The following CRPPA variants were observed in gnomAD, a reference collection of about 807,000 sequenced individuals.
CRPPA encodes CDP-L-ribitol pyrophosphorylase A, also known as D-ribitol-5-phosphate cytidylyltransferase.
CRPPA carries 43 observed loss-of-function variants against 52.0 expected under a neutral mutation model. The ratio of observed to expected loss-of-function variants is 0.83; its 90% CI spans 0.65 to 1.07. CRPPA has a LOEUF of 1.07. CRPPA is among the 50% of genes least tolerant of loss of function. The pLI is 0.00. For synonymous variants in CRPPA, 250 were observed against 203.5 expected, an observed-to-expected ratio of 1.23 and a Z score of -1.94; for missense variants, 629 against 551.7, an observed-to-expected ratio of 1.14 and a Z score of -1.40.
At chr7:16,385,602 A>G (rs1787241720) in intron 2 of CRPPA, among the ~76,000 whole-genome samples, 1 of 152,258 alleles carries the variant, frequency 6.6e-6, no homozygotes, top group Admixed American at 6.5e-5. Flanking sequence ...GATTCATCTT[A>G]GAAAAAAGTA....
At chr7:16,337,425 G>A (rs1030612472) in intron 3 of CRPPA, among the ~76,000 whole-genome samples, 2 of 151,944 alleles carry the variant, frequency 1.3e-5, no homozygotes, top group African/African-American at 2.4e-5. Context: ...ATGAAAATGG[G>A]AACACAACAT....
intron 8 of CRPPA, among the ~76,000 whole-genome samples, chr7:16,240,784 C>A (rs1023795096): frequency 6.6e-6 from 1 of 151,990 alleles, no homozygotes; most frequent in Admixed American, 6.6e-5. Context: ...GAGGAATAAG[C>A]AGGTAAGTAA....
chr7:16,190,954 T>C (rs1213430535), intron 9 of CRPPA, among the ~76,000 whole-genome samples: 1 of 152,150 alleles, frequency 6.6e-6, no homozygotes, highest in East Asian at 1.9e-4. Flanking sequence ...TTGTTCCTTT[T>C]TATGGCTGAG....
intron 8 of CRPPA, among the ~76,000 whole-genome samples, chr7:16,252,794 G>T (rs957567239): frequency 6.6e-6 from 1 of 152,094 alleles, no homozygotes; most frequent in African/African-American, 2.4e-5. Flanking sequence ...TCTGTTATTG[G>T]TCTATTCAGG....
At chr7:16,396,837 C>G (rs528106365) in intron 2 of CRPPA, among the ~76,000 whole-genome samples, 1 of 152,202 alleles carries the variant, frequency 6.6e-6, no homozygotes, top group Non-Finnish European at 1.5e-5. Context: ...ATACGCTATA[C>G]GTATGTGACA....
intron 8 of CRPPA, among the ~76,000 whole-genome samples, chr7:16,245,419 G>A (rs1783242217): frequency 6.6e-6 from 1 of 152,148 alleles, no homozygotes. Context: ...TTTTGGTGAA[G>A]GTGGTATCAG....
At chr7:16,212,744 T>C (rs1782184128) in intron 9 of CRPPA, among the ~76,000 whole-genome samples, 2 of 152,290 alleles carry the variant, frequency 1.3e-5, no homozygotes, top group Middle Eastern at 3.4e-3. Context: ...AATGTGGAAG[T>C]TCTGACATCT....
chr7:16,158,033 C>T (rs987605022), intron 9 of CRPPA, among the ~76,000 whole-genome samples: 6 of 151,592 alleles, frequency 4.0e-5, no homozygotes, highest in African/African-American at 1.5e-4. Context: ...TGCCACCACG[C>T]CCAGCTAATT....
At chr7:16,327,155 T>G (rs1165025890) in intron 3 of CRPPA, among the ~76,000 whole-genome samples, 1 of 152,150 alleles carries the variant, frequency 6.6e-6, no homozygotes, top group Non-Finnish European at 1.5e-5. Context: ...TCTTTTGCTT[T>G]CTCTTTTCTC....
chr7:16,186,848 A>G (rs951238339), intron 9 of CRPPA, among the ~76,000 whole-genome samples: 3 of 152,184 alleles, frequency 2.0e-5, no homozygotes, highest in Non-Finnish European at 2.9e-5. Flanking sequence ...AAAAATACCA[A>G]GGAGAGGATT....
chr7:16,218,004 A>T (rs1332192999), intron 8 of CRPPA, among the ~76,000 whole-genome samples: 342 of 150,860 alleles, frequency 2.3e-3, no homozygotes, highest in Non-Finnish European at 3.4e-3. Context: ...TTCACCAAAG[A>T]TGAAATGAAG....
intron 9 of CRPPA, among the ~76,000 whole-genome samples, chr7:16,121,055 T>G (rs1042059540): frequency 6.6e-6 from 1 of 152,042 alleles, no homozygotes; most frequent in Non-Finnish European, 1.5e-5. Flanking sequence ...GCTTATGTCT[T>G]ACAAAATCAC....
At chr7:16,196,356 C>T (rs1466906503) in intron 9 of CRPPA, among the ~76,000 whole-genome samples, 1 of 152,074 alleles carries the variant, frequency 6.6e-6, no homozygotes, top group Non-Finnish European at 1.5e-5. Context: ...TACAAAAGTG[C>T]CTGGTGCACA....
chr7:16,230,246 T>G (rs1782758395), intron 8 of CRPPA, among the ~76,000 whole-genome samples: 2 of 152,224 alleles, frequency 1.3e-5, no homozygotes, highest in Non-Finnish European at 2.9e-5. Context: ...CCTTCTTTAA[T>G]GCCTGTGACT....
intron 6 of CRPPA, 22 bp from the exon 7 acceptor site, chr7:16,259,034 G>C: frequency 6.5e-7 from 1 of 1,526,854 alleles, no homozygotes; most frequent in Non-Finnish European, 9.0e-7. Flanking sequence ...AAACAGAAAT[G>C]AATTCACAAA....
intron 9 of CRPPA, among the ~76,000 whole-genome samples, chr7:16,166,285 C>CT (rs202117761): frequency 0.066 from 9,674 of 146,880 alleles, 788 homozygotes; most frequent in East Asian, 0.3. Flanking sequence ...ACAGCCTAAA[C>CT]TTTTTTTTTT....
chr7:16,178,646 G>C (rs1781351468), intron 9 of CRPPA, among the ~76,000 whole-genome samples: 1 of 151,882 alleles, frequency 6.6e-6, no homozygotes, highest in African/African-American at 2.4e-5. Context: ...ATTCAGTTGA[G>C]GGCAGACTAT....
Position 16,168,378 on chromosome 7 carries a change from A to G in CRPPA, c.1251+47688T>C, listed in dbSNP as rs967152756. ...CATATCTGGAATCCTTTATACACAA[A>G]CCAGTATTAATGGTACTAAATTGAA... On this transcript the variant is annotated intron_variant, in intron 9 of 9. Transcript: ENST00000407010. 8.5e-5 allele frequency among the ~76,000 whole-genome samples: 13 copies of G among 152,266 alleles called. No homozygotes were observed. The East Asian group carries it at 1.5e-3, about 18-fold the overall frequency.
intron 5 of CRPPA, among the ~76,000 whole-genome samples, chr7:16,298,465 C>A (rs1784718949): frequency 6.6e-6 from 1 of 152,148 alleles, no homozygotes; most frequent in Admixed American, 6.6e-5. Context: ...AACAATAACA[C>A]TACTATAATA....
Sources: gnomAD v4.1 joint callset for allele counts (sites outside exome capture counted in the v4.1 genomes callset) on GRCh38, gnomAD v4.1.1 for gene constraint, MANE v1.5 for transcripts, NCBI Gene and HGNC (gene_info 2026-07-23, HGNC 2026-07-21) for gene names.